Variants in GNA14 observed in about 807,000 individuals in gnomAD.
GNA14 encodes the protein guanine nucleotide-binding protein subunit alpha-14.
A neutral mutation model predicts 42.0 loss-of-function variants in GNA14; 50 were observed. The observed-to-expected ratio is 1.19, with a 90% CI of 0.95 to 1.51. The LOEUF (loss-of-function observed/expected upper bound fraction) is 1.51, where lower values mean the gene tolerates loss of function less well. GNA14 is among the 40% of genes most tolerant of loss of function. The pLI, the probability that GNA14 is intolerant of heterozygous loss-of-function variation, is 0.00. For synonymous variants in GNA14, 173 were observed against 163.1 expected (o/e 1.06, Z -0.46); for missense variants, 473 against 446.2 (o/e 1.06, Z -0.54).
chr9:77,618,607 TATATATA>T (rs1564067816), intron 1 of GNA14, among the ~76,000 whole-genome samples: 948 of 16,312 alleles, frequency 0.058, 54 homozygotes, highest in Non-Finnish European at 0.097. Flanking sequence ...TATATATATA[TATATATA>T]TATATATTTT....
intron 1 of GNA14, among the ~76,000 whole-genome samples, chr9:77,636,873 T>G (rs930597615): frequency 2.6e-5 from 4 of 152,150 alleles, no homozygotes; most frequent in African/African-American, 9.7e-5. Context: ...CAATGTTCCA[T>G]GGAGAGTGAA....
chr9:77,438,596 C>T (rs921085660), intron 2 of GNA14, among the ~76,000 whole-genome samples: 48 of 152,020 alleles, frequency 3.2e-4, no homozygotes, highest in African/African-American at 1.2e-3. Flanking sequence ...AAACCTTTTA[C>T]TGTGAAATAA....
chr9:77,626,019 C>T (rs1824007468), intron 1 of GNA14, among the ~76,000 whole-genome samples: 1 of 144,642 alleles, frequency 6.9e-6, no homozygotes, highest in African/African-American at 2.6e-5. Context: ...CACATAGGCT[C>T]AAAATAAAGG....
chr9:77,540,944 C>T (rs1233101233), intron 1 of GNA14, among the ~76,000 whole-genome samples: 3 of 151,852 alleles, frequency 2.0e-5, no homozygotes, highest in South Asian at 2.1e-4. Context: ...TGATTTAATC[C>T]GTTTATATTC....
At chr9:77,439,014 C>T (rs368578054) in intron 2 of GNA14, among the ~76,000 whole-genome samples, 6 of 152,292 alleles carry the variant, frequency 3.9e-5, no homozygotes, top group South Asian at 4.1e-4. Flanking sequence ...GTCTGGAGCC[C>T]AATGTAGGAT....
At chr9:77,448,603 G>A (rs1023342738) in intron 2 of GNA14, among the ~76,000 whole-genome samples, 37 of 152,074 alleles carry the variant, frequency 2.4e-4, no homozygotes, top group Non-Finnish European at 3.4e-4. Flanking sequence ...ATAAGTCTAG[G>A]AGCATCTATA....
At chr9:77,428,545 A>G (rs1379710110) in intron 5 of GNA14, among the ~76,000 whole-genome samples, 1 of 151,998 alleles carries the variant, frequency 6.6e-6, no homozygotes, top group Admixed American at 6.6e-5. Flanking sequence ...TTCATTCAGA[A>G]TCTCTGGGGT....
intron 1 of GNA14, among the ~76,000 whole-genome samples, chr9:77,582,400 A>G (rs914821781): frequency 3.3e-5 from 5 of 152,134 alleles, no homozygotes; most frequent in Non-Finnish European, 7.4e-5. Flanking sequence ...GCTTTCCACC[A>G]GGCAGGTAAA....
intron 1 of GNA14, among the ~76,000 whole-genome samples, chr9:77,570,185 A>G (rs1223146441): frequency 1.3e-5 from 2 of 152,070 alleles, no homozygotes; most frequent in Non-Finnish European, 2.9e-5. Flanking sequence ...ATATTAACTT[A>G]ATTCTAACAC....
chr9:77,477,276 G>A (rs560968743), intron 2 of GNA14, among the ~76,000 whole-genome samples: 1 of 152,172 alleles, frequency 6.6e-6, no homozygotes, highest in African/African-American at 2.4e-5. Context: ...GAGCCCAGAA[G>A]GCAGAGGTTG....
rs186073257 is a variant in GNA14 at position 77,453,850 on chromosome 9, C to T, written c.310-19328G>A. Reference sequence around the variant, plus strand: ...TATGAGTTTCCAAAGAGCAGCTTTACGATACACTACTTGCCAAATACATAT... The same window carrying T: ...TATGAGTTTCCAAAGAGCAGCTTTATGATACACTACTTGCCAAATACATAT... On this transcript the variant is annotated intron_variant, in intron 2 of 6. Transcript: ENST00000341700. 3.6e-3 allele frequency among the ~76,000 whole-genome samples: 551 copies of T among 152,320 alleles called. 10 individuals are homozygous for T. Among genetic ancestry groups the T allele is most frequent in the South Asian group, 1.5e-3 (7 of 4,826 alleles).
intron 2 of GNA14, among the ~76,000 whole-genome samples, chr9:77,437,385 A>G (rs979793960): frequency 6.6e-6 from 1 of 152,138 alleles, no homozygotes; most frequent in Non-Finnish European, 1.5e-5. Flanking sequence ...TCTCTACCAA[A>G]AACATTAAAA....
chr9:77,445,230 G>C (rs1032177876), intron 2 of GNA14, among the ~76,000 whole-genome samples: 4 of 152,186 alleles, frequency 2.6e-5, no homozygotes, highest in African/African-American at 9.7e-5. Flanking sequence ...ACGAGAAAGG[G>C]ACCAGACCAG....
chr9:77,522,084 G>T (rs1283924258), intron 2 of GNA14, among the ~76,000 whole-genome samples: 1 of 152,174 alleles, frequency 6.6e-6, no homozygotes, highest in East Asian at 1.9e-4. Flanking sequence ...CGATCTTCCT[G>T]CCTCGGCCCC....
chr9:77,529,907 T>A (rs1837503398), intron 1 of GNA14, among the ~76,000 whole-genome samples: 1 of 152,166 alleles, frequency 6.6e-6, no homozygotes, highest in Non-Finnish European at 1.5e-5. Flanking sequence ...ACATTCATAT[T>A]AGATTGAGAG....
In GNA14 at chr9:77,621,962, G is replaced by A. The variant is rs147500209; in HGVS notation, c.124+25708C>T. Reference sequence around the variant, plus strand: ...TTTTATTAAGACAGGGTCTCACTCTGTTGCCCAGGCTGGAGTGCAATGGCA... The same window carrying A: ...TTTTATTAAGACAGGGTCTCACTCTATTGCCCAGGCTGGAGTGCAATGGCA... On this transcript the variant is annotated intron_variant, in intron 1 of 6. Transcript: ENST00000341700. Among the ~76,000 whole-genome samples the A allele has an allele frequency of 5.7e-3, 863 of 152,134 alleles. 7 individuals carry two copies. Among genetic ancestry groups the A allele is most frequent in the African/African-American group, 0.02 (813 of 41,482 alleles).
At chr9:77,487,590 T>G (rs1587793605) in intron 2 of GNA14, among the ~76,000 whole-genome samples, 1 of 152,344 alleles carries the variant, frequency 6.6e-6, no homozygotes, top group African/African-American at 2.4e-5. Flanking sequence ...GAGAACCATG[T>G]TGCTGTTTTA....
intron 1 of GNA14, chr9:77,580,363 G>C (rs1474846702): frequency 3.1e-6 from 1 of 327,494 alleles, no homozygotes; most frequent in African/African-American, 2.2e-5. Context: ...TCATGCCTTA[G>C]GTGGGAAGGA....
chr9:77,595,816 A>C (rs1466913694), intron 1 of GNA14, among the ~76,000 whole-genome samples: 1 of 152,164 alleles, frequency 6.6e-6, no homozygotes, highest in Non-Finnish European at 1.5e-5. Context: ...GAGAGAGATA[A>C]GACGCACTCA....
Sources: allele counts gnomAD v4.1 joint callset (sites outside exome capture counted in the v4.1 genomes callset), GRCh38; gene constraint gnomAD v4.1.1; transcripts MANE v1.5; gene names NCBI Gene and HGNC (gene_info 2026-07-23, HGNC 2026-07-21).